The following ZNF804B variants were observed in gnomAD, a reference collection of about 807,000 sequenced individuals.
ZNF804B encodes zinc finger protein 804B.
In ZNF804B, 80 loss-of-function variants were observed where a neutral mutation model predicts 101.4. That is an observed-to-expected ratio of 0.79 (90% confidence interval 0.66 to 0.95). The LOEUF (loss-of-function observed/expected upper bound fraction) is 0.95, where lower values mean the gene tolerates loss of function less well. Ranked by LOEUF, ZNF804B falls within the 40% of genes least tolerant of loss-of-function variation. The pLI is 0.00. For missense variants in ZNF804B, 1,673 were observed against 1,561.9 expected, an observed-to-expected ratio of 1.07 and a Z score of -1.20; for synonymous variants, 622 against 558.8, an observed-to-expected ratio of 1.11 and a Z score of -1.59.
At chr7:89,166,806 C>A (rs777765885) in intron 1 of ZNF804B, among the ~76,000 whole-genome samples, 5 of 152,068 alleles carry the variant, frequency 3.3e-5, no homozygotes, top group Non-Finnish European at 7.4e-5. Flanking sequence ...TTAACAGATT[C>A]TTGTAATATT....
At chr7:89,102,387 G>A (rs1790068674) in intron 1 of ZNF804B, among the ~76,000 whole-genome samples, 1 of 151,840 alleles carries the variant, frequency 6.6e-6, no homozygotes, top group Non-Finnish European at 1.5e-5. Context: ...AAACCATTAT[G>A]AGTGGTATAA....
At chr7:89,160,999 C>T (rs62461934) in intron 1 of ZNF804B, among the ~76,000 whole-genome samples, 30,726 of 151,994 alleles carry the variant, frequency 0.2, 3,341 homozygotes, top group Non-Finnish European at 0.23. Flanking sequence ...CTCTTGTGCC[C>T]CTTGGAGCTG....
chr7:88,876,953 A>G (rs1439179219), intron 1 of ZNF804B, among the ~76,000 whole-genome samples: 1 of 143,428 alleles, frequency 7.0e-6, no homozygotes, highest in Non-Finnish European at 1.5e-5. Context: ...CTTTACCTTA[A>G]AAACATCATC....
chr7:88,827,875 C>A (rs1791071692), intron 1 of ZNF804B, among the ~76,000 whole-genome samples: 1 of 152,070 alleles, frequency 6.6e-6, no homozygotes, highest in South Asian at 2.1e-4. Context: ...AGATAGCTAC[C>A]TGAAAAAGAA....
intron 1 of ZNF804B, among the ~76,000 whole-genome samples, chr7:88,847,202 G>C (rs1244761455): frequency 6.6e-6 from 1 of 151,774 alleles, no homozygotes; most frequent in Non-Finnish European, 1.5e-5. Flanking sequence ...AAAAAGCAAA[G>C]CACAGAAAAC....
intron 2 of ZNF804B, among the ~76,000 whole-genome samples, chr7:89,267,105 C>G (rs1042823437): frequency 1.3e-5 from 2 of 151,988 alleles, no homozygotes; most frequent in Admixed American, 1.3e-4. Flanking sequence ...TGATTTAAAC[C>G]ACATTTTATG....
At chr7:88,978,731 C>G (rs1054590805) in intron 1 of ZNF804B, among the ~76,000 whole-genome samples, 1 of 151,504 alleles carries the variant, frequency 6.6e-6, no homozygotes, top group African/African-American at 2.4e-5. Flanking sequence ...AGACTTACTA[C>G]TGCCATTTTG....
chr7:89,009,355 ACT>A (rs770626611), intron 1 of ZNF804B, among the ~76,000 whole-genome samples: 1 of 152,018 alleles, frequency 6.6e-6, no homozygotes, highest in Non-Finnish European at 1.5e-5. Flanking sequence ...ATATGTATCC[ACT>A]CTCAATCTTC....
At chr7:89,168,511 A>G (rs1262083786) in intron 1 of ZNF804B, among the ~76,000 whole-genome samples, 1 of 152,074 alleles carries the variant, frequency 6.6e-6, no homozygotes, top group East Asian at 1.9e-4. Flanking sequence ...GTGTGCCTCA[A>G]AAGTCCTAAT....
At chr7:89,112,425 C>T (rs1430068690) in intron 1 of ZNF804B, among the ~76,000 whole-genome samples, 1 of 152,038 alleles carries the variant, frequency 6.6e-6, no homozygotes, top group Non-Finnish European at 1.5e-5. Flanking sequence ...AATAAGTGGA[C>T]CTTATTTATT....
At chr7:88,816,690 C>G (rs546078473) in intron 1 of ZNF804B, among the ~76,000 whole-genome samples, 9 of 144,154 alleles carry the variant, frequency 6.2e-5, no homozygotes, top group African/African-American at 2.3e-4. Context: ...GAGATACCAT[C>G]TCACACCAGT....
At chr7:89,270,844 C>A (rs1041959991) in intron 2 of ZNF804B, among the ~76,000 whole-genome samples, 1 of 152,112 alleles carries the variant, frequency 6.6e-6, no homozygotes, top group Non-Finnish European at 1.5e-5. Flanking sequence ...AATGGGAGTT[C>A]ACTCATGATT....
chr7:88,895,890 G>A (rs2107602), intron 1 of ZNF804B, among the ~76,000 whole-genome samples: 2,808 of 152,222 alleles, frequency 0.018, 65 homozygotes, highest in African/African-American at 0.049. Flanking sequence ...ACAGGTGGGG[G>A]AAATAGACAA....
chr7:88,821,898 T>A (rs1361703104), intron 1 of ZNF804B, among the ~76,000 whole-genome samples: 1 of 152,152 alleles, frequency 6.6e-6, no homozygotes, highest in Non-Finnish European at 1.5e-5. Flanking sequence ...CTTTTTTACT[T>A]CATATAGAAG....
At chr7:89,265,288 GTGTGTGCGCGTGCGC>G (rs1253857070) in intron 2 of ZNF804B, among the ~76,000 whole-genome samples, 1 of 94,300 alleles carries the variant, frequency 1.1e-5, no homozygotes, top group Non-Finnish European at 2.2e-5. Flanking sequence ...GTGTGTGTGT[GTGTGTGCGCGTGCGC>G]GCGCGCACAC....
rs192481994 is a variant in ZNF804B, at chr7:88,969,639, T to C, written c.108+209555T>C. On this transcript the variant is annotated intron_variant, in intron 1 of 3. Coordinates refer to ENST00000333190, the MANE Select transcript of ZNF804B (RefSeq NM_181646.5). ...AAGTTGTGGTGCCTGTGAGTCAAAC[T>C]AATTATGCTTTTGTAGCTGAAACAA... 8.6e-5 allele frequency among the ~76,000 whole-genome samples: 13 copies of C among 151,774 alleles called. No homozygotes were observed. In the East Asian group the frequency reaches 2.6e-3, roughly 30 times the overall value.
At chr7:89,107,877 CA>C (rs1274319707) in intron 1 of ZNF804B, among the ~76,000 whole-genome samples, 1 of 152,048 alleles carries the variant, frequency 6.6e-6, no homozygotes, top group East Asian at 1.9e-4. Context: ...GGGTTCTATG[CA>C]GGCTGGGGAA....
rs1251789556 is a variant in ZNF804B, at chr7:88,985,805, T to C, written c.108+225721T>C. ...GGAGAAAAGTGTTCTATAACCACCA[T>C]GGGTCACCTGTTGATCATTCCTCAT... On this transcript the variant is annotated intron_variant, in intron 1 of 3. Transcript: ENST00000333190. Among the ~76,000 whole-genome samples the C allele has an allele frequency of 2.6e-5, 4 of 152,226 alleles. No individual in the cohort carries two copies. The South Asian group carries it at 8.3e-4, about 32-fold the overall frequency.
intron 1 of ZNF804B, among the ~76,000 whole-genome samples, chr7:89,195,804 T>G (rs1052588914): frequency 3.3e-5 from 5 of 151,716 alleles, no homozygotes; most frequent in Admixed American, 6.6e-5. Context: ...CATTCACAAT[T>G]GCTTAAAAAA....
Sources: gnomAD v4.1 joint callset for allele counts (sites outside exome capture counted in the v4.1 genomes callset) on GRCh38, gnomAD v4.1.1 for gene constraint, MANE v1.5 for transcripts, NCBI Gene and HGNC (gene_info 2026-07-23, HGNC 2026-07-21) for gene names.